The following SMARCA1 variants were observed in gnomAD, a reference collection of about 807,000 sequenced individuals.
SMARCA1 encodes SNF2 related chromatin remodeling ATPase 1.
A neutral mutation model predicts 93.6 loss-of-function variants in SMARCA1; 17 were observed. The observed-to-expected ratio is 0.18, with a 90% CI of 0.12 to 0.27. The LOEUF (loss-of-function observed/expected upper bound fraction) is 0.27, where lower values mean the gene tolerates loss of function less well. SMARCA1 is among the 10% of genes least tolerant of loss of function. SMARCA1 has a pLI of 1.00. For missense variants in SMARCA1, 630 were observed against 819.0 expected (o/e 0.77, Z 2.82); for synonymous variants, 271 against 271.4 (o/e 1.00, Z 0.01).
At chrX:129,450,893 A>T (rs1448276727) in intron 23 of SMARCA1, among the ~76,000 whole-genome samples, 1 of 110,907 alleles carries the variant, frequency 9.0e-6, no homozygotes, top group Non-Finnish European at 1.9e-5. Context: ...TATCTTTCCA[A>T]ATAAAATCCA....
intron 17 of SMARCA1, 116 bp downstream of exon 17, chrX:129,486,901 AT>A (rs1821347154): frequency 1.6e-5 from 9 of 566,735 alleles, no homozygotes; most frequent in Non-Finnish European, 2.6e-5. Context: ...ATTTAGACCT[AT>A]ATCAAATTTC....
At position 129,480,796 on chromosome X, in the gene SMARCA1, GT is replaced by G; in HGVS notation, c.2346del (p.Lys782AsnfsTer30). 1 of 1,156,238 alleles carries G rather than the reference GT, an allele frequency of 8.6e-7. No homozygotes were observed. The highest frequency in any genetic ancestry group is 1.2e-6 in the Non-Finnish European group (1 of 868,905). On this transcript the variant is annotated frameshift_variant, in exon 19 of 25. Coordinates refer to ENST00000371121, the MANE Select transcript of SMARCA1 (RefSeq NM_001282874.2). LOFTEE classifies it high-confidence loss of function. ...PKIPKAPRPP[K>X]QPNVQDFQFF... The stretch of plus-strand genomic sequence containing the variant: ...AATTGAAAATCCTGAACATTTGGCT[GT>G]TTTGGAGGCCGTGGAGCCTATGAGG...
intron 19 of SMARCA1, among the ~76,000 whole-genome samples, chrX:129,471,702 G>A (rs1166235317): frequency 4.5e-5 from 5 of 112,071 alleles, no homozygotes; most frequent in East Asian, 5.6e-4. Flanking sequence ...AAGTGGCAAC[G>A]CACCTGAACA....
In SMARCA1 at chrX:129,468,914, A is replaced by C. The variant is rs765605946; in HGVS notation, c.2566-9T>G. ...GTCCAGTTTGTGAAACCCTGTGAAC[A>C]AAAAGTTAAGCATTATCAATAGAGG... On this transcript the variant is annotated splice_polypyrimidine_tract_variant and intron_variant, in intron 20 of 24. Coordinates refer to ENST00000371121, the MANE Select transcript of SMARCA1 (RefSeq NM_001282874.2). The C allele has an allele frequency of 1.5e-5, 18 of 1,167,519 alleles. No homozygotes were observed. In the Admixed American group the frequency reaches 2.7e-4, roughly 18 times the overall value.
chrX:129,504,623 A>T (rs753616601), intron 9 of SMARCA1, 111 bp downstream of exon 9: 1 of 429,553 alleles, frequency 2.3e-6, no homozygotes, highest in Non-Finnish European at 4.1e-6. Flanking sequence ...AAACAGTGAC[A>T]TTGAGCCAAG....
chrX:129,499,820 G>T lies in SMARCA1; in HGVS notation c.1189C>A (p.Arg397Ser). ...TTCTCTACATCAGTTTTTATACGGC[G>T]TAACAAAAATGGTTTTAAAACCTAA... ...LHAVLKPFLL[R>S]RIKTDVEKSL... Residue 397 changes from arginine (R) to serine (S), a missense_variant, in exon 10 of 25, where the codon CGC becomes AGC. Around this residue, in one of 4 missense-constraint regions of SMARCA1, gnomAD observed 382 missense variants for 537.9 expected, o/e 0.71. Coordinates refer to ENST00000371121, the MANE Select transcript of SMARCA1 (RefSeq NM_001282874.2). The T allele has an allele frequency of 8.7e-7, 1 of 1,146,479 alleles. No homozygotes were observed. The highest frequency in any genetic ancestry group is 1.9e-5 in the South Asian group (1 of 53,304). 94.5% of individuals were successfully genotyped at this position (1,146,479 alleles called of 1,213,427 possible).
At chrX:129,505,617 T>G (rs1934781114) in intron 8 of SMARCA1, among the ~76,000 whole-genome samples, 1 of 111,188 alleles carries the variant, frequency 9.0e-6, no homozygotes, top group African/African-American at 3.3e-5. Context: ...GATAAAAATA[T>G]ATATATATAA....
chrX:129,488,825 C>A, intron 16 of SMARCA1, 112 bp downstream of exon 16: 2 of 488,204 alleles, frequency 4.1e-6, no homozygotes, highest in Non-Finnish European at 6.6e-6. Context: ...ATATGAGCTA[C>A]CTGAAACATG....
At chrX:129,464,377 T>A (rs1028651795) in intron 23 of SMARCA1, among the ~76,000 whole-genome samples, 1 of 112,580 alleles carries the variant, frequency 8.9e-6, no homozygotes, top group Non-Finnish European at 1.9e-5. Context: ...TTGTTTGCAT[T>A]GTTAGTTTCT....
At position 129,496,774 on chromosome X, in the gene SMARCA1, T is replaced by C. The variant is rs750871842; in HGVS notation, c.1602A>G (p.Gly534=). 3.3e-6 allele frequency: 4 copies of C among 1,206,769 alleles called. No individual in the cohort carries two copies. The South Asian group carries it at 5.3e-5, about 16-fold the overall frequency. ...WRGYEYCRLD[G]QTPHEEREDK... is the part of the protein sequence containing the mutation. ...CCTCTCTTTCTTCATGCGGGGTTTG[T>C]CCATCCAGTCGACAATACTCATAAC... Residue 534 remains glycine (G), a synonymous_variant, in exon 12 of 25, where the codon GGA becomes GGG. Transcript: ENST00000371121.
chrX:129,487,911 T>C (rs1933961947), intron 16 of SMARCA1, among the ~76,000 whole-genome samples: 1 of 112,097 alleles, frequency 8.9e-6, no homozygotes, highest in South Asian at 3.7e-4. Context: ...AATGTTATAA[T>C]GATTATCTTT....
chrX:129,489,566 G>A (rs988192188), intron 15 of SMARCA1, among the ~76,000 whole-genome samples: 5 of 112,360 alleles, frequency 4.4e-5, no homozygotes, highest in Non-Finnish European at 7.5e-5. Context: ...TTGTTTGTTT[G>A]TTTGTTTTTG....
At chrX:129,478,759 T>A (rs6634744) in intron 19 of SMARCA1, among the ~76,000 whole-genome samples, 10,234 of 111,878 alleles carry the variant, frequency 0.091, 425 homozygotes, top group East Asian at 0.32. Flanking sequence ...TAAAGTTATA[T>A]CAGAGATGAT....
chrX:129,466,698 G>T (rs1932918758), intron 21 of SMARCA1, among the ~76,000 whole-genome samples: 2 of 110,542 alleles, frequency 1.8e-5, no homozygotes, highest in African/African-American at 6.6e-5. Context: ...TTATGAACAG[G>T]TTGTTCAAAT....
At chrX:129,462,611 G>T (rs1426199221) in intron 23 of SMARCA1, among the ~76,000 whole-genome samples, 1 of 110,859 alleles carries the variant, frequency 9.0e-6, no homozygotes, top group South Asian at 3.7e-4. Flanking sequence ...AATTTAATAC[G>T]ATAGAAAAAG....
chrX:129,468,957 T>C (rs779808227), intron 20 of SMARCA1, 52 bp from the exon 21 acceptor site: 1 of 849,160 alleles, frequency 1.2e-6, no homozygotes, highest in South Asian at 3.0e-5. Flanking sequence ...AATAAATCCA[T>C]TTATTGCCCT....
intron 6 of SMARCA1, among the ~76,000 whole-genome samples, chrX:129,509,473 G>A (rs1934949045): frequency 9.0e-6 from 1 of 111,292 alleles, no homozygotes; most frequent in Admixed American, 9.6e-5. Context: ...AAAATAAAGA[G>A]AAGTAGAGTG....
chrX:129,522,243 A>G (rs1181529670), intron 1 of SMARCA1, among the ~76,000 whole-genome samples: 2 of 110,156 alleles, frequency 1.8e-5, no homozygotes, highest in African/African-American at 6.6e-5. Context: ...ATTGGCTTTA[A>G]TATGTGTCAG....
Position 129,447,199 on chromosome X carries a change from C to A in SMARCA1, c.3176G>T (p.Ser1059Ile). ...QKRKAESATESSGKKDVKKVK... is the reference protein window; with the variant it reads ...QKRKAESATEISGKKDVKKVK... ...CTTCTTGACATCCTTCTTTCCAGAG[C>A]TCTCAGTAGCTGACTCTGCTTTTCT... The change falls in exon 25 of 25, where the codon AGC becomes ATC. Residue 1059 changes from serine to isoleucine, a missense_variant. Ser to Ile is a moderately radical substitution (Grantham distance 142). Coordinates refer to ENST00000371121, the MANE Select transcript of SMARCA1 (RefSeq NM_001282874.2). 1 of 1,143,347 alleles carries A rather than the reference C, an allele frequency of 8.7e-7. No individual in the cohort carries two copies. The highest frequency in any genetic ancestry group is 1.2e-6 in the Non-Finnish European group (1 of 863,527). 94.2% of individuals were successfully genotyped at this position (1,143,347 alleles called of 1,213,427 possible).
Sources: gnomAD v4.1 joint callset for allele counts (sites outside exome capture counted in the v4.1 genomes callset) on GRCh38, gnomAD v4.1.1 for gene constraint, gnomAD v4.1.1 regional missense constraint, MANE v1.5 for transcripts, NCBI Gene and HGNC (gene_info 2026-07-23, HGNC 2026-07-21) for gene names.